CACHD1: variants seen among roughly 807,000 people sequenced by gnomAD.
CACHD1 encodes the protein cache domain containing 1, also known as VWFA and cache domain-containing protein 1.
In CACHD1, 71 loss-of-function variants were observed where a neutral mutation model predicts 138.7. That is an observed-to-expected ratio of 0.51 (90% CI 0.42 to 0.62). CACHD1 has a LOEUF of 0.62. Ranked by LOEUF, CACHD1 falls within the 20% of genes least tolerant of loss-of-function variation. CACHD1 has a pLI of 0.00. For missense variants in CACHD1, 1,389 were observed against 1,625.3 expected (o/e 0.85, Z 2.50); for synonymous variants, 578 against 591.5 (o/e 0.98, Z 0.33).
chr1:64,571,439 G>T (rs555226228), intron 2 of CACHD1, among the ~76,000 whole-genome samples: 1 of 152,186 alleles, frequency 6.6e-6, no homozygotes, highest in South Asian at 2.1e-4. Flanking sequence ...CATTCAAAAG[G>T]CATGCTAAGT....
chr1:64,556,190 T>G (rs1376429328), intron 2 of CACHD1, among the ~76,000 whole-genome samples: 3 of 152,218 alleles, frequency 2.0e-5, no homozygotes, highest in Non-Finnish European at 2.9e-5. Flanking sequence ...GCTTACCTCC[T>G]AGATTTCCTG....
chr1:64,592,122 A>C (rs1366870725), intron 3 of CACHD1, among the ~76,000 whole-genome samples: 1 of 152,226 alleles, frequency 6.6e-6, no homozygotes, highest in Non-Finnish European at 1.5e-5. Context: ...CATTGTTTTA[A>C]TCTGAACAGT....
chr1:64,626,452 G>A (rs1648104194), intron 4 of CACHD1, among the ~76,000 whole-genome samples: 2 of 152,212 alleles, frequency 1.3e-5, no homozygotes, highest in African/African-American at 2.4e-5. Flanking sequence ...ATGGAAAACG[G>A]GAAAGGAGTT....
At chr1:64,478,182 T>C (rs116174029) in intron 1 of CACHD1, among the ~76,000 whole-genome samples, 2,196 of 152,258 alleles carry the variant, frequency 0.014, 60 homozygotes, top group African/African-American at 0.051. Context: ...TACAAATTAG[T>C]TAATACCTTT....
intron 1 of CACHD1, 48 bp from the exon 2 acceptor site, chr1:64,550,545 GA>G: frequency 7.3e-7 from 1 of 1,365,828 alleles, no homozygotes; most frequent in Non-Finnish European, 1.0e-6. Flanking sequence ...CACTCATGTA[GA>G]AAATGACTTA....
In CACHD1 at chr1:64,640,119, T is replaced by C. The variant is rs559376046; in HGVS notation, c.1007-1701T>C. Among the ~76,000 whole-genome samples the C allele has an allele frequency of 8.6e-4, 131 of 152,314 alleles. 3 individuals carry two copies. The South Asian group carries it at 0.026, about 31-fold the overall frequency. ...GTCTTTTTGTAACCTAGTCTTTGTC[T>C]TGATGTCCCATCACCTCTGCCGCAT... On this transcript the variant is annotated intron_variant, in intron 7 of 26. Transcript: ENST00000651257.
chr1:64,682,206 C>A, intron 26 of CACHD1, 100 bp downstream of exon 26: 1 of 1,038,858 alleles, frequency 9.6e-7, no homozygotes, highest in Non-Finnish European at 1.5e-6. Context: ...CAAAAAGACA[C>A]ACCCCAGCAT....
chr1:64,591,585 G>A (rs1243180313), intron 3 of CACHD1, among the ~76,000 whole-genome samples: 1 of 152,152 alleles, frequency 6.6e-6, no homozygotes, highest in African/African-American at 2.4e-5. Context: ...AATAAATATT[G>A]GTTGCTTGAA....
In CACHD1 at chr1:64,652,137, A is replaced by G. The variant is rs1258764996; in HGVS notation, c.1391-24A>G. 1.9e-6 allele frequency: 3 copies of G among 1,586,120 alleles called. No homozygotes were observed. In the South Asian group the frequency reaches 3.5e-5, roughly 18 times the overall value. On this transcript the variant is annotated intron_variant, in intron 9 of 26. Coordinates refer to ENST00000651257, the MANE Select transcript of CACHD1 (RefSeq NM_020925.4). Reference sequence around the variant, plus strand: ...CAATTCCTTCTCTGCTGGTCTTTAGATTTATTTTGTTTTTAACCCATAGGT... The same window carrying G: ...CAATTCCTTCTCTGCTGGTCTTTAGGTTTATTTTGTTTTTAACCCATAGGT...
At chr1:64,562,437 G>A (rs1252218274) in intron 2 of CACHD1, among the ~76,000 whole-genome samples, 1 of 126,986 alleles carries the variant, frequency 7.9e-6, no homozygotes, top group Non-Finnish European at 1.6e-5. Context: ...TTGAGACAGA[G>A]TCTTGCTCTG....
intron 13 of CACHD1, among the ~76,000 whole-genome samples, chr1:64,660,153 C>T (rs1202363961): frequency 6.6e-6 from 1 of 152,154 alleles, no homozygotes; most frequent in Non-Finnish European, 1.5e-5. Context: ...TTTACTGAAA[C>T]ACTGATGTGT....
chr1:64,506,908 A>G (rs1646381218), intron 1 of CACHD1, among the ~76,000 whole-genome samples: 1 of 152,208 alleles, frequency 6.6e-6, no homozygotes, highest in South Asian at 2.1e-4. Flanking sequence ...TTAGGAACCT[A>G]TAGTTGTAAA....
In CACHD1 at chr1:64,691,698, C is replaced by G; in HGVS notation, c.*137C>G. Reference sequence around the variant, plus strand: ...TGTGCAGAGTTGTTTGAGTCATTTCCTGCCTGTCGACATGGTTAAAAACGA... The same window carrying G: ...TGTGCAGAGTTGTTTGAGTCATTTCGTGCCTGTCGACATGGTTAAAAACGA... On this transcript the variant is annotated 3_prime_UTR_variant, in exon 27 of 27. Coordinates refer to ENST00000651257, the MANE Select transcript of CACHD1 (RefSeq NM_020925.4). 4.3e-6 allele frequency: 3 copies of G among 696,900 alleles called. No homozygotes were observed. Among genetic ancestry groups the G allele is most frequent in the Middle Eastern group, 6.2e-4 (2 of 3,250 alleles). 43.2% of individuals were successfully genotyped at this position (696,900 alleles called of 1,614,324 possible). A position where few individuals can be genotyped will look rare whatever the true frequency, so the allele number is the denominator to read the frequency against.
At chr1:64,561,562 AT>A (rs1324343964) in intron 2 of CACHD1, among the ~76,000 whole-genome samples, 1 of 152,166 alleles carries the variant, frequency 6.6e-6, no homozygotes, top group African/African-American at 2.4e-5. Context: ...TATACAGAAA[AT>A]GTTTCTTGGC....
At chr1:64,647,324 T>C (rs530303919) in intron 8 of CACHD1, among the ~76,000 whole-genome samples, 3 of 152,366 alleles carry the variant, frequency 2.0e-5, no homozygotes, top group Non-Finnish European at 4.4e-5. Context: ...TTTAGTTGCA[T>C]GGCAGCTAGA....
intron 4 of CACHD1, among the ~76,000 whole-genome samples, chr1:64,626,943 A>G (rs754991633): frequency 1.3e-5 from 2 of 149,818 alleles, no homozygotes; most frequent in Non-Finnish European, 3.0e-5. Context: ...AGGATTTAGT[A>G]TTTTTTTTTT....
intron 6 of CACHD1, 86 bp downstream of exon 6, chr1:64,632,829 A>T: frequency 2.1e-6 from 3 of 1,449,346 alleles, no homozygotes; most frequent in Non-Finnish European, 2.9e-6. Context: ...TGATATACAG[A>T]TCCTCCTTGA....
chr1:64,644,675 TTC>T (rs1378520773), intron 8 of CACHD1, among the ~76,000 whole-genome samples: 2 of 152,266 alleles, frequency 1.3e-5, no homozygotes, highest in African/African-American at 4.8e-5. Context: ...ACTGCCAGTT[TTC>T]TCTCTCTTTC....
At chr1:64,597,393 G>A (rs1397486368) in intron 3 of CACHD1, among the ~76,000 whole-genome samples, 2 of 152,050 alleles carry the variant, frequency 1.3e-5, no homozygotes, top group Non-Finnish European at 2.9e-5. Context: ...CATCTTGCAA[G>A]CCAGGCAGGG....
Sources: gnomAD v4.1 joint callset for allele counts (sites outside exome capture counted in the v4.1 genomes callset) on GRCh38, gnomAD v4.1.1 for gene constraint, MANE v1.5 for transcripts, NCBI Gene and HGNC (gene_info 2026-07-23, HGNC 2026-07-21) for gene names.